Variants in FGGY observed in about 807,000 individuals in gnomAD.
FGGY encodes the protein FGGY carbohydrate kinase domain containing, also known as FGGY carbohydrate kinase domain-containing protein.
In FGGY, 72 loss-of-function variants were observed where a neutral mutation model predicts 71.3. The ratio of observed to expected loss-of-function variants is 1.01; its 90% CI spans 0.84 to 1.23. The LOEUF (loss-of-function observed/expected upper bound fraction) is 1.23. Ranked by LOEUF, FGGY falls within the 50% of genes most tolerant of loss-of-function variation. The pLI is 0.00. For missense variants in FGGY, 668 were observed against 682.3 expected (o/e 0.98, Z 0.23); for synonymous variants, 251 against 250.3 (o/e 1.00, Z -0.02).
intron 11 of FGGY, among the ~76,000 whole-genome samples, chr1:59,652,773 C>T (rs1356588409): frequency 6.6e-6 from 1 of 152,088 alleles, no homozygotes; most frequent in Non-Finnish European, 1.5e-5. Context: ...ATTCTCCATC[C>T]AGCTTTGTTC....
At chr1:59,708,578 A>G (rs1558865880) in intron 14 of FGGY, among the ~76,000 whole-genome samples, 1 of 152,238 alleles carries the variant, frequency 6.6e-6, no homozygotes, top group Non-Finnish European at 1.5e-5. Flanking sequence ...CTCTAATTAT[A>G]TAACCAGACT....
chr1:59,518,548 G>A (rs551956772), intron 7 of FGGY, among the ~76,000 whole-genome samples: 4 of 152,296 alleles, frequency 2.6e-5, no homozygotes, highest in East Asian at 1.9e-4. Context: ...TCCCTAGTGG[G>A]AGGGGATTGT....
intron 8 of FGGY, among the ~76,000 whole-genome samples, chr1:59,578,203 T>C (rs964161806): frequency 5.3e-5 from 8 of 151,926 alleles, no homozygotes; most frequent in African/African-American, 1.7e-4. Context: ...TTAAAAGGAA[T>C]CCCATCCATA....
At chr1:59,344,945 T>C (rs1016220526) in intron 3 of FGGY, among the ~76,000 whole-genome samples, 1 of 152,194 alleles carries the variant, frequency 6.6e-6, no homozygotes, top group East Asian at 1.9e-4. Context: ...CATGTTACTA[T>C]GTCTAACTCT....
chr1:59,385,145 T>G (rs1479806389), intron 5 of FGGY, among the ~76,000 whole-genome samples: 1 of 152,100 alleles, frequency 6.6e-6, no homozygotes, highest in Non-Finnish European at 1.5e-5. Flanking sequence ...TCCTCCCCTT[T>G]CTCTCTTCCT....
intron 8 of FGGY, among the ~76,000 whole-genome samples, chr1:59,587,541 A>G (rs893822042): frequency 1.9e-4 from 29 of 151,998 alleles, no homozygotes; most frequent in African/African-American, 6.3e-4. Flanking sequence ...ACTGGGAGGC[A>G]CCCCCCAGTA....
intron 13 of FGGY, among the ~76,000 whole-genome samples, chr1:59,671,517 A>G (rs1387139669): frequency 6.6e-6 from 1 of 152,224 alleles, no homozygotes; most frequent in Non-Finnish European, 1.5e-5. Context: ...CCAGTCTCCC[A>G]GGCTCAGAGT....
At chr1:59,458,583 C>T (rs113483684) in intron 6 of FGGY, among the ~76,000 whole-genome samples, 11 of 152,322 alleles carry the variant, frequency 7.2e-5, no homozygotes, top group African/African-American at 1.9e-4. Context: ...GCTCTGCTAA[C>T]GTAGCAGTAT....
intron 6 of FGGY, among the ~76,000 whole-genome samples, chr1:59,469,774 AGT>A (rs2092843783): frequency 6.6e-6 from 1 of 151,976 alleles, no homozygotes; most frequent in Non-Finnish European, 1.5e-5. Context: ...CAAAGGACCC[AGT>A]GTGTGTTATC....
chr1:59,701,884 A>G (rs1481784369), intron 14 of FGGY, among the ~76,000 whole-genome samples: 1 of 152,202 alleles, frequency 6.6e-6, no homozygotes, highest in African/African-American at 2.4e-5. Context: ...TGAATGAATC[A>G]GTGAGTGAGT....
chr1:59,554,045 G>A lies in FGGY; in HGVS notation c.800-79G>A. 5.3e-6 allele frequency: 6 copies of A among 1,127,514 alleles called. No individual in the cohort carries two copies. The South Asian group carries it at 7.4e-5, about 14-fold the overall frequency. The allele number at this position is 1,127,514 out of a possible 1,614,324, so 69.8% of individuals were successfully genotyped here. ...TGTTTGACTATTAAAAAGAAGATTT[G>A]TTAATGCTTGTTTTTAGCTTTCTCT... On this transcript the variant is annotated intron_variant, in intron 7 of 15. Transcript: ENST00000303721.
chr1:59,420,536 C>G (rs2065226667), intron 5 of FGGY, among the ~76,000 whole-genome samples: 1 of 152,142 alleles, frequency 6.6e-6, no homozygotes, highest in Non-Finnish European at 1.5e-5. Context: ...CATGAGGAAA[C>G]CTCATCCATT....
At chr1:59,534,318 A>G (rs1172148252) in intron 7 of FGGY, among the ~76,000 whole-genome samples, 1 of 152,184 alleles carries the variant, frequency 6.6e-6, no homozygotes, top group Non-Finnish European at 1.5e-5. Context: ...CCTCCAAGAA[A>G]TATGGGACTA....
At chr1:59,721,673 A>G (rs993231999) in intron 14 of FGGY, among the ~76,000 whole-genome samples, 13 of 151,954 alleles carry the variant, frequency 8.6e-5, no homozygotes, top group Non-Finnish European at 1.6e-4. Context: ...ATACTTAGTT[A>G]CCTTTATTAT....
chr1:59,374,444 A>G (rs1410364957), intron 4 of FGGY, among the ~76,000 whole-genome samples: 1 of 152,214 alleles, frequency 6.6e-6, no homozygotes, highest in Non-Finnish European at 1.5e-5. Context: ...GAACACTTTT[A>G]CACTGTTGTT....
chr1:59,380,589 G>A (rs1324575604), intron 5 of FGGY, among the ~76,000 whole-genome samples: 2 of 151,656 alleles, frequency 1.3e-5, no homozygotes, highest in South Asian at 2.1e-4. Context: ...CTGCATAAAT[G>A]TCTTCTTTTG....
chr1:59,751,594 G>A (rs2098245774), intron 14 of FGGY, among the ~76,000 whole-genome samples: 1 of 152,162 alleles, frequency 6.6e-6, no homozygotes, highest in Non-Finnish European at 1.5e-5. Flanking sequence ...CTATGGCCAG[G>A]TGTGTTTTTA....
intron 5 of FGGY, among the ~76,000 whole-genome samples, chr1:59,429,731 G>T (rs1446859929): frequency 1.3e-5 from 2 of 152,130 alleles, no homozygotes; most frequent in Non-Finnish European, 2.9e-5. Context: ...ACACACACGT[G>T]ACGCACATAT....
At chr1:59,538,140 C>T (rs914646975) in intron 7 of FGGY, among the ~76,000 whole-genome samples, 3 of 152,224 alleles carry the variant, frequency 2.0e-5, no homozygotes, top group African/African-American at 7.2e-5. Flanking sequence ...TGAACTCAAA[C>T]AAATTTACGA....
Sources: gnomAD v4.1 joint callset for allele counts (sites outside exome capture counted in the v4.1 genomes callset) on GRCh38, gnomAD v4.1.1 for gene constraint, MANE v1.5 for transcripts, NCBI Gene and HGNC (gene_info 2026-07-23, HGNC 2026-07-21) for gene names.